ROBO2: variants seen among roughly 807,000 people sequenced by gnomAD.
ROBO2 encodes roundabout homolog 2.
In ROBO2, 53 loss-of-function variants were observed where a neutral mutation model predicts 160.8. That is an observed-to-expected ratio of 0.33 (90% CI 0.26 to 0.41). The LOEUF (loss-of-function observed/expected upper bound fraction) is 0.41, where lower values mean the gene tolerates loss of function less well. Among genes scored for constraint, ROBO2 ranks in the 10% least tolerant of loss-of-function variants. The pLI is 1.00. For missense variants in ROBO2, 1,577 were observed against 1,722.4 expected (o/e 0.92, Z 1.49); for synonymous variants, 664 against 611.7 (o/e 1.09, Z -1.26).
chr3:76,463,575 C>A (rs962921836), intron 2 of ROBO2, among the ~76,000 whole-genome samples: 1 of 151,884 alleles, frequency 6.6e-6, no homozygotes, highest in African/African-American at 2.4e-5. Context: ...AAATTTGAGC[C>A]CTTAGTTGTC....
At chr3:76,766,695 A>G (rs1329763633) in intron 2 of ROBO2, among the ~76,000 whole-genome samples, 1 of 151,634 alleles carries the variant, frequency 6.6e-6, no homozygotes, top group African/African-American at 2.4e-5. Context: ...TTCCTTAACA[A>G]CAAAGTTGGG....
intron 2 of ROBO2, among the ~76,000 whole-genome samples, chr3:76,635,495 C>T (rs1426988485): frequency 6.6e-6 from 1 of 152,140 alleles, no homozygotes; most frequent in Non-Finnish European, 1.5e-5. Context: ...ACATATTGTA[C>T]GTAAATGGCT....
intron 2 of ROBO2, among the ~76,000 whole-genome samples, chr3:76,995,107 C>CA (rs1444305548): frequency 3.4e-4 from 34 of 100,326 alleles, no homozygotes; most frequent in Non-Finnish European, 5.9e-4. Flanking sequence ...CAAGACCCCC[C>CA]ACCCCCAACA....
chr3:77,607,396 C>CT (rs2094546069), intron 20 of ROBO2, among the ~76,000 whole-genome samples: 2 of 152,162 alleles, frequency 1.3e-5, no homozygotes, highest in South Asian at 4.1e-4. Context: ...TAGCCTATAT[C>CT]CTTAGACCTT....
intron 2 of ROBO2, among the ~76,000 whole-genome samples, chr3:76,677,353 A>G (rs926029543): frequency 1.3e-5 from 2 of 152,190 alleles, no homozygotes; most frequent in African/African-American, 2.4e-5. Context: ...AGTGGTCCCA[A>G]CCCAGGTGCA....
At chr3:77,037,159 G>C (rs1167344139), upstream of ROBO2, among the ~76,000 whole-genome samples, 1 of 152,012 alleles carries the variant, frequency 6.6e-6, no homozygotes, top group East Asian at 1.9e-4. Flanking sequence ...GAGATGTTTG[G>C]TCATAATCCT....
chr3:77,280,775 T>A (rs2060191962), intron 2 of ROBO2, among the ~76,000 whole-genome samples: 1 of 152,206 alleles, frequency 6.6e-6, no homozygotes, highest in East Asian at 1.9e-4. Flanking sequence ...TTTGCCATGG[T>A]TCAACTTCCT....
intron 2 of ROBO2, among the ~76,000 whole-genome samples, chr3:76,036,448 C>G (rs2067111934): frequency 6.6e-6 from 1 of 151,540 alleles, no homozygotes; most frequent in Admixed American, 6.6e-5. Context: ...ATGCGCCAGG[C>G]TGGTTCACAT....
chr3:76,654,917 ATATATATATATT>A (rs2091430896), intron 2 of ROBO2, among the ~76,000 whole-genome samples: 1 of 146,600 alleles, frequency 6.8e-6, no homozygotes. Flanking sequence ...GTGTGTGTAT[ATATATATATATT>A]TATATATATA....
chr3:77,119,191 C>G (rs931688923), intron 2 of ROBO2, among the ~76,000 whole-genome samples: 5 of 152,138 alleles, frequency 3.3e-5, no homozygotes, highest in African/African-American at 1.2e-4. Flanking sequence ...TGAGGCCTCC[C>G]CAGCCATGCA....
At chr3:76,098,594 CAATTT>C (rs1576848380) in intron 2 of ROBO2, among the ~76,000 whole-genome samples, 2 of 144,600 alleles carry the variant, frequency 1.4e-5, no homozygotes, top group South Asian at 4.7e-4. Flanking sequence ...TTCCTGTCAT[CAATTT>C]AGAGTTTTTA....
chr3:76,495,213 C>CTTTTTTTTTTT (rs35543664), intron 2 of ROBO2, among the ~76,000 whole-genome samples: 1 of 136,298 alleles, frequency 7.3e-6, no homozygotes, highest in African/African-American at 2.7e-5. Context: ...TCTTCATTTC[C>CTTTTTTTTTTT]TTTTTTTTTT....
intron 2 of ROBO2, among the ~76,000 whole-genome samples, chr3:77,149,884 T>G (rs961642358): frequency 2.0e-5 from 3 of 152,166 alleles, no homozygotes. Context: ...TATTTATTTG[T>G]TAATGTACTG....
At position 76,125,639 on chromosome 3, in the gene ROBO2, A is replaced by G. The variant is rs1379798205; in HGVS notation, c.109+188037A>G. Among the ~76,000 whole-genome samples, 3 of 151,862 alleles carry G rather than the reference A, an allele frequency of 2.0e-5. No homozygotes were observed. In the South Asian group the frequency reaches 6.2e-4, roughly 32 times the overall value. On this transcript the variant is annotated intron_variant, in intron 2 of 26. Transcript: ENST00000487694. ...TTTTTCACATGTTTGTTGGCCACAC[A>G]TATGTCTTCTACTGAGAGGCAAACA...
At chr3:76,899,674 A>G (rs577155314) in intron 2 of ROBO2, among the ~76,000 whole-genome samples, 1 of 152,236 alleles carries the variant, frequency 6.6e-6, no homozygotes, top group East Asian at 1.9e-4. Context: ...AGTGTCTGAC[A>G]TTATTTAAGG....
rs530934321 is a variant in ROBO2 at position 77,291,198 on chromosome 3, G to T, written c.389-186216G>T. On this transcript the variant is annotated intron_variant, in intron 2 of 25. Transcript: ENST00000461745. ...GTAAAGACATAAAGTAAAATTGATG[G>T]TTAAATGGGTAAGCTGAGGCTAGAG... is the stretch of plus-strand genomic sequence containing the variant. Among the ~76,000 whole-genome samples, 537 of 148,090 alleles carry T rather than the reference G, an allele frequency of 3.6e-3. 3 individuals are homozygous for T. Among genetic ancestry groups the T allele is most frequent in the Middle Eastern group, 7.6e-3 (2 of 264 alleles).
intron 2 of ROBO2, among the ~76,000 whole-genome samples, chr3:76,923,029 G>A (rs1459905128): frequency 6.6e-6 from 1 of 152,176 alleles, no homozygotes; most frequent in Non-Finnish European, 1.5e-5. Context: ...GAAGAACACA[G>A]CAAGAGTGGG....
chr3:77,487,795 C>A (rs1263325908), intron 4 of ROBO2, among the ~76,000 whole-genome samples: 1 of 152,118 alleles, frequency 6.6e-6, no homozygotes, highest in Non-Finnish European at 1.5e-5. Context: ...AAGAACTCTA[C>A]CTATGTAATT....
At chr3:77,025,816 C>G (rs1340859317) in intron 2 of ROBO2, among the ~76,000 whole-genome samples, 2 of 152,104 alleles carry the variant, frequency 1.3e-5, no homozygotes, top group Non-Finnish European at 2.9e-5. Flanking sequence ...AGGTATTTTC[C>G]TTATTGCTGC....
Sources: gnomAD v4.1 joint callset for allele counts (sites outside exome capture counted in the v4.1 genomes callset) on GRCh38, gnomAD v4.1.1 for gene constraint, MANE v1.5 for transcripts, NCBI Gene and HGNC (gene_info 2026-07-23, HGNC 2026-07-21) for gene names.